LRP1: variants seen among roughly 807,000 people sequenced by gnomAD.
The protein encoded by LRP1 is prolow-density lipoprotein receptor-related protein 1.
In LRP1, 51 loss-of-function variants were observed where a neutral mutation model predicts 541.5. That is an observed-to-expected ratio of 0.09 (90% CI 0.08 to 0.12). The LOEUF (loss-of-function observed/expected upper bound fraction) is 0.12, where lower values mean the gene tolerates loss of function less well. Among genes scored for constraint, LRP1 ranks in the 10% least tolerant of loss-of-function variants. The pLI is 1.00. For synonymous variants in LRP1, 2,219 were observed against 2,470.8 expected, an observed-to-expected ratio of 0.90 and a Z score of 3.02; for missense variants, 3,878 against 6,376.2, an observed-to-expected ratio of 0.61 and a Z score of 13.34.
At position 57,199,922 on chromosome 12, in the gene LRP1, T is replaced by C. The variant is rs1592655996; in HGVS notation, c.9911T>C (p.Leu3304Pro). ...GTCAACAATGGTGGCTGCAGCAACC[T>C]GTGCCTGCTGTCCCCCGGGGGAGGG... Reference protein sequence around the residue: ...CKVNNGGCSNLCLLSPGGGHK... With the variant: ...CKVNNGGCSNPCLLSPGGGHK... Residue 3304 changes from leucine (L) to proline (P), a missense_variant, in exon 62 of 89, where the codon CTG becomes CCG. Leu to Pro is a moderately conservative substitution (Grantham distance 98, BLOSUM62 -3). Around this residue, in one of 13 missense-constraint regions of LRP1, gnomAD observed 1,100 missense variants for 1,827.4 expected, o/e 0.60. Transcript: ENST00000243077. 6.3e-7 allele frequency: 1 copy of C among 1,595,548 alleles called. No individual in the cohort carries two copies. The highest frequency in any genetic ancestry group is 1.4e-5 in the African/African-American group (1 of 73,836).
chr12:57,202,542 G>GGGGGGGGCCCCCC lies in LRP1; in HGVS notation c.10711+5_10711+6insGGGGGGGCCCCCC. 2 of 1,563,824 alleles carry GGGGGGGGCCCCCC rather than the reference G, an allele frequency of 1.3e-6. No individual in the cohort carries two copies. Among genetic ancestry groups the GGGGGGGGCCCCCC allele is most frequent in the Non-Finnish European group, 8.7e-7 (1 of 1,153,410 alleles). ...ACTCCGATGAAGAGAGCTGCAGTAC[G>GGGGGGGGCCCCCC]TCCCCACCCACCCAGCCCCGCATGA... On this transcript the variant is annotated splice_donor_region_variant and intron_variant, in intron 68 of 88. Coordinates refer to ENST00000243077, the MANE Select transcript of LRP1 (RefSeq NM_002332.3).
chr12:57,145,147 T>C (rs569150780), intron 5 of LRP1, 47 bp downstream of exon 5: 155 of 1,613,446 alleles, frequency 9.6e-5, no homozygotes, highest in Non-Finnish European at 1.3e-4. Context: ...GCCCCCTCAA[T>C]GCTGTTCCCT....
Position 57,173,641 on chromosome 12 carries a change from CA to C in LRP1, c.3347-134del. On this transcript the variant is annotated intron_variant, in intron 21 of 88. Transcript: ENST00000243077. The surrounding 1 kb of genome is among the most constrained non-coding windows in gnomAD (Gnocchi z 4.7). The stretch of plus-strand genomic sequence containing the variant: ...GTTTGTTGCCTATGTGAATTTGACC[CA>C]AAAAGCCTCGGGGTTCCTCGTGGAC... The C allele has an allele frequency of 1.1e-6, 1 of 877,870 alleles. No homozygotes were observed. Among genetic ancestry groups the C allele is most frequent in the Non-Finnish European group, 1.8e-6 (1 of 562,798 alleles). The allele number at this position is 877,870 out of a possible 1,614,324, so 54.4% of individuals were successfully genotyped here. A position where few individuals can be genotyped will look rare whatever the true frequency, so the allele number is the denominator to read the frequency against.
At chr12:57,163,785 C>T (rs984078934) in intron 15 of LRP1, among the ~76,000 whole-genome samples, 4 of 152,080 alleles carry the variant, frequency 2.6e-5, no homozygotes, top group Non-Finnish European at 5.9e-5. Context: ...CTGCCCTTTT[C>T]GGTTCAAGTG....
chr12:57,194,526 TGG>T (rs763152345), intron 49 of LRP1, 23 bp downstream of exon 49: 1 of 1,611,074 alleles, frequency 6.2e-7, no homozygotes, highest in Non-Finnish European at 8.5e-7. Context: ...AGGTGTGTGG[TGG>T]GTGGTGGCCT....
chr12:57,144,861 T>C, intron 4 of LRP1, 111 bp from the exon 5 acceptor site: 2 of 1,086,830 alleles, frequency 1.8e-6, no homozygotes, highest in Non-Finnish European at 2.8e-6. Context: ...TCTGCCGAAC[T>C]GTCCTTCAAG....
rs756319471 is a variant in LRP1, at chr12:57,158,687, C to A, written c.1798+49C>A. 2.2e-5 allele frequency: 34 copies of A among 1,545,564 alleles called. No homozygotes were observed. The highest frequency in any genetic ancestry group is 2.9e-5 in the Non-Finnish European group (33 of 1,121,286). Reference sequence around the variant, plus strand: ...CCATGGGGATGGAAGGGGGCTGGGGCCCAGGCATCTGTTTCTCGGTGCCCT... The same window carrying A: ...CCATGGGGATGGAAGGGGGCTGGGGACCAGGCATCTGTTTCTCGGTGCCCT... On this transcript the variant is annotated intron_variant, in intron 11 of 88. Coordinates refer to ENST00000243077, the MANE Select transcript of LRP1 (RefSeq NM_002332.3). This position sits in a 1 kb window ranked among gnomAD's most constrained non-coding sequence, Gnocchi z 5.3.
At position 57,197,719 on chromosome 12, in the gene LRP1, C is replaced by T; in HGVS notation, c.9282+55C>T. 2 of 1,594,758 alleles carry T rather than the reference C, an allele frequency of 1.3e-6. No individual in the cohort carries two copies. Among genetic ancestry groups the T allele is most frequent in the Non-Finnish European group, 8.5e-7 (1 of 1,171,688 alleles). ...CTGGCCCGCCTCAGATGACTGTTTT[C>T]AGATCGTCTCTCCTTCCCGCCCCAC... On this transcript the variant is annotated intron_variant, in intron 58 of 88. Transcript: ENST00000243077. The surrounding 1 kb of genome is among the most constrained non-coding windows in gnomAD (Gnocchi z 4.5).
chr12:57,143,868 A>G, intron 4 of LRP1, 70 bp downstream of exon 4: 1 of 1,521,258 alleles, frequency 6.6e-7, no homozygotes, highest in Non-Finnish European at 8.9e-7. Context: ...AGGGAGGGGC[A>G]GAGAGGGGTA....
chr12:57,138,157 G>A (rs1446910156), intron 1 of LRP1, among the ~76,000 whole-genome samples: 7 of 152,160 alleles, frequency 4.6e-5, no homozygotes, highest in African/African-American at 1.7e-4. Context: ...GCTGGTGTCT[G>A]ATGAGAGTAA....
chr12:57,207,221 C>G (rs1266946384), intron 76 of LRP1, among the ~76,000 whole-genome samples: 6 of 144,328 alleles, frequency 4.2e-5, no homozygotes, highest in Admixed American at 2.1e-4. Flanking sequence ...CCAGCCTGGG[C>G]GAGAGAGTGA....
intron 62 of LRP1, 171 bp downstream of exon 62, chr12:57,200,196 C>T (rs1372298282): frequency 1.5e-6 from 1 of 648,282 alleles, no homozygotes; most frequent in Non-Finnish European, 2.7e-6. Context: ...ACTTTTACCC[C>T]CGTCACCTCA....
Position 57,181,166 on chromosome 12 carries a change from G to T in LRP1, c.5537G>T (p.Gly1846Val). The T allele has an allele frequency of 6.2e-7, 1 of 1,613,278 alleles. No homozygotes were observed. The highest frequency in any genetic ancestry group is 1.1e-5 in the South Asian group (1 of 91,010). The change falls in exon 34 of 89, where the codon GGC (glycine) becomes GTC (valine). Residue 1846 changes from glycine to valine, a missense_variant. Gly to Val is a moderately radical substitution (Grantham distance 109). This residue lies in a region of LRP1 where 394 missense variants were observed against 635.9 expected (regional missense o/e 0.62). Coordinates refer to ENST00000243077, the MANE Select transcript of LRP1 (RefSeq NM_002332.3). The part of the protein sequence containing the change: ...YDESIQLDHK[G>V]TNPCSVNNGD... ...TCCCACCTGCCCCCAGACCATAAGG[G>T]CACCAACCCCTGCAGTGTCAACAAC...
rs747547972 is a variant in LRP1, at chr12:57,154,539, G to A, written c.1065G>A (p.Gly355=). 4 of 1,614,220 alleles carry A rather than the reference G, an allele frequency of 2.5e-6. No homozygotes were observed. The highest frequency in any genetic ancestry group is 3.4e-6 in the Non-Finnish European group (4 of 1,180,036). Residue 355 remains glycine, a synonymous_variant, in exon 8 of 89, where the codon GGG becomes GGA. Coordinates refer to ENST00000243077, the MANE Select transcript of LRP1 (RefSeq NM_002332.3). The surrounding 1 kb of genome is among the most constrained non-coding windows in gnomAD (Gnocchi z 4.6). ...IPKVERCDMD[G]QNRTKLVDSK... is the part of the protein sequence containing the mutation. Reference sequence around the variant, plus strand: ...AGGTGGAACGCTGTGACATGGATGGGCAGAACCGCACCAAGCTCGTCGACA... The same window carrying A: ...AGGTGGAACGCTGTGACATGGATGGACAGAACCGCACCAAGCTCGTCGACA...
Position 57,206,531 on chromosome 12 carries a change from C to T in LRP1, c.11649C>T (p.Pro3883=), listed in dbSNP as rs11615189. 7.9e-5 allele frequency: 128 copies of T among 1,614,028 alleles called. No homozygotes were observed. Among genetic ancestry groups the T allele is most frequent in the Non-Finnish European group, 9.9e-5 (117 of 1,180,044 alleles). ...ADDNEIRSLF[P]GHPHSAYEQA... is the part of the protein sequence containing the mutation. ...ACAATGAGATCCGCAGCCTGTTCCC[C>T]GGCCACCCCCATTCGGCTTACGAGC... Residue 3883 remains proline (P), a synonymous_variant, in exon 76 of 89, where the codon CCC becomes CCT. Transcript: ENST00000243077. This position sits in a 1 kb window ranked among gnomAD's most constrained non-coding sequence, Gnocchi z 4.7.
At chr12:57,163,628 A>G (rs1176021545) in intron 15 of LRP1, among the ~76,000 whole-genome samples, 2 of 152,130 alleles carry the variant, frequency 1.3e-5, no homozygotes, top group African/African-American at 4.8e-5. Flanking sequence ...TATATGTTGG[A>G]AATTAGAGAG....
chr12:57,202,673 T>C (rs2136743901), intron 68 of LRP1, 136 bp downstream of exon 68: 1 of 649,066 alleles, frequency 1.5e-6, no homozygotes, highest in Non-Finnish European at 2.8e-6. Flanking sequence ...TCCTCACCCA[T>C]CCCACTCCAT....
At position 57,204,732 on chromosome 12, in the gene LRP1, C is replaced by G; in HGVS notation, c.11177C>G (p.Thr3726Ser). The change falls in exon 72 of 89, where the codon ACT becomes AGT. Residue 3726 changes from threonine (T) to serine (S), a missense_variant. By Grantham distance (58) the Thr-to-Ser change is moderately conservative. Around this residue, in one of 13 missense-constraint regions of LRP1, gnomAD observed 871 missense variants for 1,212.4 expected, o/e 0.72. Transcript: ENST00000243077. The surrounding 1 kb of genome is among the most constrained non-coding windows in gnomAD (Gnocchi z 5.3). ...GGCACGGACAACTGTGGGGATGGGA[C>G]TGATGAAGAGGACTGTGGTGAGCAG... is the stretch of plus-strand genomic sequence containing the variant. Reference protein sequence around the residue: ...CDGTDNCGDGTDEEDCEPPTA... With the variant: ...CDGTDNCGDGSDEEDCEPPTA... 6.2e-7 allele frequency: 1 copy of G among 1,614,010 alleles called. No individual in the cohort carries two copies. Among genetic ancestry groups the G allele is most frequent in the Non-Finnish European group, 8.5e-7 (1 of 1,179,992 alleles).
At chr12:57,129,058 G>C in intron 1 of LRP1, 27 bp downstream of exon 1, 6 of 1,550,700 alleles carry the variant, frequency 3.9e-6, no homozygotes, top group Non-Finnish European at 5.2e-6. Context: ...GTCCCCCTTG[G>C]ACCCCTGGGG....
Sources: gnomAD v4.1 joint callset for allele counts (sites outside exome capture counted in the v4.1 genomes callset) on GRCh38, gnomAD v4.1.1 for gene constraint, gnomAD v4.1.1 regional missense constraint, Gnocchi (gnomAD v3.1) non-coding constraint, MANE v1.5 for transcripts, NCBI Gene and HGNC (gene_info 2026-07-23, HGNC 2026-07-21) for gene names.